Variants in LIN28B observed in about 807,000 individuals in gnomAD.
The protein encoded by LIN28B is lin-28 RNA binding posttranscriptional regulator B.
In LIN28B, 5 loss-of-function variants were observed where a neutral mutation model predicts 21.9. The ratio of observed to expected loss-of-function variants is 0.23; its 90% CI spans 0.12 to 0.48. The LOEUF (loss-of-function observed/expected upper bound fraction) is 0.48. LIN28B is among the 20% of genes least tolerant of loss of function. The pLI, the probability that LIN28B is intolerant of heterozygous loss-of-function variation, is 0.98. For missense variants in LIN28B, 245 were observed against 310.5 expected (o/e 0.79, Z 1.58); for synonymous variants, 109 against 111.3 (o/e 0.98, Z 0.13).
intron 2 of LIN28B, among the ~76,000 whole-genome samples, chr6:104,965,294 C>A (rs924255807): frequency 2.6e-5 from 4 of 152,142 alleles, no homozygotes; most frequent in African/African-American, 4.8e-5. Flanking sequence ...CTTTGGGAGG[C>A]TGAGGCTGGC....
intron 2 of LIN28B, among the ~76,000 whole-genome samples, chr6:105,013,038 G>A (rs754933325): frequency 3.3e-5 from 5 of 151,952 alleles, no homozygotes; most frequent in African/African-American, 9.7e-5. Context: ...GTTTTGAGAC[G>A]GAGTTTTGCT....
Position 105,072,427 on chromosome 6 carries a change from TTAAAAG to T in LIN28B, c.384-5978_384-5973del, listed in dbSNP as rs202163933. 2.8e-3 allele frequency among the ~76,000 whole-genome samples: 420 copies of T among 152,300 alleles called. 5 individuals carry two copies. Among genetic ancestry groups the T allele is most frequent in the East Asian group, 0.021 (109 of 5,176 alleles). The stretch of plus-strand genomic sequence containing the variant: ...TTCTGTTATTACCATTTTAATTCTC[TTAAAAG>T]TAAAAGTATGTTTAGTCCTTCTGTA... On this transcript the variant is annotated intron_variant, in intron 3 of 3. Transcript: ENST00000345080.
upstream of LIN28B, among the ~76,000 whole-genome samples, chr6:104,955,159 T>C (rs561865613): frequency 6.6e-6 from 1 of 152,360 alleles, no homozygotes; most frequent in East Asian, 1.9e-4. Context: ...TAGCCTGTAA[T>C]GCCATCATTG....
At chr6:105,043,166 C>T (rs866062277) in intron 3 of LIN28B, among the ~76,000 whole-genome samples, 6 of 151,894 alleles carry the variant, frequency 4.0e-5, no homozygotes, top group South Asian at 2.1e-4. Context: ...ATGGCTCATG[C>T]CTATAATCCC....
chr6:105,009,953 ATC>A (rs1246887847), intron 2 of LIN28B, among the ~76,000 whole-genome samples: 4 of 152,108 alleles, frequency 2.6e-5, no homozygotes, highest in Non-Finnish European at 5.9e-5. Flanking sequence ...CCTCATATTC[ATC>A]TCTCTGTCTC....
At chr6:104,994,386 A>G (rs2114277013) in intron 2 of LIN28B, among the ~76,000 whole-genome samples, 1 of 152,364 alleles carries the variant, frequency 6.6e-6, no homozygotes, top group East Asian at 1.9e-4. Context: ...AGAATTAGCA[A>G]ATCAGTTATT....
At chr6:105,047,511 G>C (rs1026979149) in intron 3 of LIN28B, among the ~76,000 whole-genome samples, 2 of 152,052 alleles carry the variant, frequency 1.3e-5, no homozygotes, top group African/African-American at 4.8e-5. Flanking sequence ...GCCCTTTTTT[G>C]GTTCCATATG....
chr6:105,030,647 A>C (rs1582906560), intron 3 of LIN28B, among the ~76,000 whole-genome samples: 1 of 122,730 alleles, frequency 8.1e-6, no homozygotes, highest in East Asian at 2.3e-4. Context: ...CCCAGTCTGG[A>C]GTGCAATGGC....
chr6:104,981,231 T>C (rs1562080287), intron 2 of LIN28B, among the ~76,000 whole-genome samples: 1 of 152,172 alleles, frequency 6.6e-6, no homozygotes, highest in Non-Finnish European at 1.5e-5. Flanking sequence ...CCCCTTTTTC[T>C]CAACTTCTAC....
intron 3 of LIN28B, among the ~76,000 whole-genome samples, chr6:105,046,778 C>T (rs1284367439): frequency 1.3e-5 from 2 of 152,128 alleles, no homozygotes; most frequent in Admixed American, 1.3e-4. Context: ...TGATGATGAG[C>T]GTTTTTTCAT....
chr6:105,075,040 A>G (rs1482539796), intron 3 of LIN28B, among the ~76,000 whole-genome samples: 1 of 152,242 alleles, frequency 6.6e-6, no homozygotes, highest in African/African-American at 2.4e-5. Context: ...ATGAGAAAAT[A>G]TCCTTTGTGC....
At chr6:104,976,884 GC>G (rs1209067713) in intron 2 of LIN28B, among the ~76,000 whole-genome samples, 2 of 152,120 alleles carry the variant, frequency 1.3e-5, no homozygotes, top group African/African-American at 4.8e-5. Flanking sequence ...CTTTTTGTTA[GC>G]CCTTACCCTG....
Position 104,958,119 on chromosome 6 carries a change from G to A in LIN28B, c.31G>A (p.Gly11Arg). 1 of 1,597,276 alleles carries A rather than the reference G, an allele frequency of 6.3e-7. No individual in the cohort carries two copies. The highest frequency in any genetic ancestry group is 8.6e-7 in the Non-Finnish European group (1 of 1,168,204). ...CTCAGGCGGGGCTAGCAAAGGTGGT[G>A]GAGAAGAGCCCGGGAAGCTGCCGGA... MAEGGASKGGGEEPGKLPEPA... is the reference protein window; with the variant it reads MAEGGASKGGREEPGKLPEPA... Residue 11 changes from glycine (G) to arginine (R), a missense_variant, in exon 2 of 4, where the codon GGA becomes AGA. Transcript: ENST00000345080.
chr6:104,997,102 A>C (rs1274248374), intron 2 of LIN28B, among the ~76,000 whole-genome samples: 1 of 152,100 alleles, frequency 6.6e-6, no homozygotes, highest in African/African-American at 2.4e-5. Flanking sequence ...TAACACGGTG[A>C]AGCCCCATCT....
At chr6:104,960,554 T>G (rs2114570806) in intron 2 of LIN28B, among the ~76,000 whole-genome samples, 1 of 152,224 alleles carries the variant, frequency 6.6e-6, no homozygotes, top group Admixed American at 6.5e-5. Flanking sequence ...ACTCAAAATT[T>G]TTAAAATATA....
upstream of LIN28B, among the ~76,000 whole-genome samples, chr6:104,954,669 G>A (rs1174674249): frequency 6.6e-6 from 1 of 152,120 alleles, no homozygotes; most frequent in East Asian, 1.9e-4. Context: ...GTCCCTCTCA[G>A]GAAATGAATG....
chr6:105,045,850 AC>A (rs1771749185), intron 3 of LIN28B, among the ~76,000 whole-genome samples: 1 of 152,158 alleles, frequency 6.6e-6, no homozygotes, highest in African/African-American at 2.4e-5. Flanking sequence ...AGAACTGTGA[AC>A]TTTACCATGA....
chr6:105,009,455 T>TG (rs934125673), intron 2 of LIN28B, among the ~76,000 whole-genome samples: 5 of 152,046 alleles, frequency 3.3e-5, no homozygotes, highest in Non-Finnish European at 4.4e-5. Context: ...TGGGGTTTTT[T>TG]GGGGGGGAGG....
chr6:104,986,879 C>T lies in LIN28B; in HGVS notation c.198+28593C>T, dbSNP rs561282448. Among the ~76,000 whole-genome samples the T allele has an allele frequency of 1.6e-3, 247 of 152,316 alleles. 2 individuals are homozygous for T. In the South Asian group the frequency reaches 0.021, roughly 13 times the overall value. On this transcript the variant is annotated intron_variant, in intron 2 of 3. Coordinates refer to ENST00000345080, the MANE Select transcript of LIN28B (RefSeq NM_001004317.4). ...TACCCTCATTTACAACTCACCAATC[C>T]GAGCTTGCCAGCTCCCCACACACTT...
Sources: gnomAD v4.1 joint callset for allele counts (sites outside exome capture counted in the v4.1 genomes callset) on GRCh38, gnomAD v4.1.1 for gene constraint, MANE v1.5 for transcripts, NCBI Gene and HGNC (gene_info 2026-07-23, HGNC 2026-07-21) for gene names.